CDH4: variants seen among roughly 807,000 people sequenced by gnomAD.
The protein encoded by CDH4 is cadherin 4.
CDH4 carries 33 observed loss-of-function variants against 86.0 expected under a neutral mutation model. The ratio of observed to expected loss-of-function variants is 0.38; its 90% confidence interval spans 0.29 to 0.51. CDH4 has a LOEUF of 0.51. Ranked by LOEUF, CDH4 falls within the 20% of genes least tolerant of loss-of-function variation. CDH4 has a pLI of 0.86. For synonymous variants in CDH4, 555 were observed against 549.4 expected, an observed-to-expected ratio of 1.01 and a Z score of -0.14; for missense variants, 1,114 against 1,307.4, an observed-to-expected ratio of 0.85 and a Z score of 2.28.
chr20:61,607,496 CAGAAAGAGGGA>C (rs2086654353), intron 2 of CDH4, among the ~76,000 whole-genome samples: 1 of 152,232 alleles, frequency 6.6e-6, no homozygotes, highest in Non-Finnish European at 1.5e-5. Context: ...CACATTAGTG[CAGAAAGAGGGA>C]ACATGAGGCT....
In CDH4 at chr20:61,709,274, T is replaced by TTATA. The variant is rs1441416038; in HGVS notation, c.170-34286_170-34285insATAT. Among the ~76,000 whole-genome samples, 1 of 147,990 alleles carries TTATA rather than the reference T, an allele frequency of 6.8e-6. No individual in the cohort carries two copies. The highest frequency in any genetic ancestry group is 1.5e-5 in the Non-Finnish European group (1 of 68,008). The stretch of plus-strand genomic sequence containing the variant: ...AGACAGCTGTCAGCAAAAGTCAGAC[T>TTATA]TATTTATTTATTTATTTTCTGAGAG... On this transcript the variant is annotated intron_variant, in intron 2 of 15. Coordinates refer to ENST00000614565, the MANE Select transcript of CDH4 (RefSeq NM_001794.5). This position sits in a 1 kb window ranked among gnomAD's most constrained non-coding sequence, Gnocchi z 4.8.
At chr20:61,912,768 C>G (rs1891570) in intron 9 of CDH4, among the ~76,000 whole-genome samples, 149,513 of 152,314 alleles carry the variant, frequency 0.98, 73,426 homozygotes, top group Middle Eastern at 1. Context: ...GCACAGCCGG[C>G]CCCCCAGTGG....
intron 2 of CDH4, among the ~76,000 whole-genome samples, chr20:61,627,293 G>A (rs2086838078): frequency 6.6e-6 from 1 of 152,194 alleles, no homozygotes; most frequent in African/African-American, 2.4e-5. Context: ...TTCCCAGGGT[G>A]TTGGTGGCAC....
chr20:61,905,616 G>A (rs1462896944), intron 8 of CDH4, among the ~76,000 whole-genome samples: 1 of 152,204 alleles, frequency 6.6e-6, no homozygotes, highest in Admixed American at 6.5e-5. Context: ...AAGGGTGCTA[G>A]CCACACCTTC....
intron 2 of CDH4, among the ~76,000 whole-genome samples, chr20:61,529,836 T>G (rs1286124818): frequency 6.6e-6 from 1 of 152,100 alleles, no homozygotes; most frequent in Non-Finnish European, 1.5e-5. Flanking sequence ...GTGTAATTTT[T>G]CTTTTCTTTT....
At chr20:61,478,049 G>A (rs1258410002) in intron 2 of CDH4, among the ~76,000 whole-genome samples, 2 of 152,190 alleles carry the variant, frequency 1.3e-5, no homozygotes, top group African/African-American at 2.4e-5. Context: ...CGTGAGGACT[G>A]ACATTCCCTT....
chr20:61,509,337 A>G (rs2085763492), intron 2 of CDH4, among the ~76,000 whole-genome samples: 1 of 151,720 alleles, frequency 6.6e-6, no homozygotes, highest in African/African-American at 2.4e-5. Flanking sequence ...GCCCCAGGGA[A>G]TATTAACACG....
chr20:61,700,834 T>G (rs1646932075), intron 2 of CDH4, among the ~76,000 whole-genome samples: 1 of 152,234 alleles, frequency 6.6e-6, no homozygotes, highest in South Asian at 2.1e-4. Flanking sequence ...GAGTGCCACA[T>G]GAGTCTTGCC....
At chr20:61,812,022 TG>T (rs1980463909) in intron 4 of CDH4, among the ~76,000 whole-genome samples, 1 of 151,988 alleles carries the variant, frequency 6.6e-6, no homozygotes, top group African/African-American at 2.4e-5. Flanking sequence ...AGGCCCTGTG[TG>T]GTTTTCCCAT....
At position 61,516,891 on chromosome 20, in the gene CDH4, C is replaced by A. The variant is rs573578962; in HGVS notation, c.170-226672C>A. On this transcript the variant is annotated intron_variant, in intron 2 of 15. Coordinates refer to ENST00000614565, the MANE Select transcript of CDH4 (RefSeq NM_001794.5). The surrounding 1 kb of genome is among the most constrained non-coding windows in gnomAD (Gnocchi z 4.0). ...GTCCTAGCAAGGAGCTCCAGGCACC[C>A]TCAGCCTGTCAACTTTTCAACTCCT... Among the ~76,000 whole-genome samples the A allele has an allele frequency of 6.6e-6, 1 of 152,334 alleles. No homozygotes were observed. Among genetic ancestry groups the A allele is most frequent in the African/African-American group, 2.4e-5 (1 of 41,578 alleles).
intron 2 of CDH4, among the ~76,000 whole-genome samples, chr20:61,530,867 G>T (rs952792985): frequency 6.6e-6 from 1 of 152,058 alleles, no homozygotes; most frequent in Non-Finnish European, 1.5e-5. Context: ...ATCCATAGCT[G>T]CAGCCACAGC....
intron 2 of CDH4, among the ~76,000 whole-genome samples, chr20:61,660,602 G>A (rs2087242425): frequency 6.6e-6 from 1 of 152,166 alleles, no homozygotes; most frequent in South Asian, 2.1e-4. Flanking sequence ...CAGAGGGGTG[G>A]ACGGGGCGGT....
chr20:61,653,267 C>G (rs2087144589), intron 2 of CDH4, among the ~76,000 whole-genome samples: 1 of 132,524 alleles, frequency 7.5e-6, no homozygotes, highest in African/African-American at 2.7e-5. Context: ...GGTCACAGAT[C>G]AACAGGATCC....
At chr20:61,674,360 T>C in intron 2 of CDH4, among the ~76,000 whole-genome samples, 1 of 152,152 alleles carries the variant, frequency 6.6e-6, no homozygotes, top group East Asian at 1.9e-4. Context: ...ACCAGGGCCC[T>C]TGTGGAAGCA....
At chr20:61,746,190 C>G (rs976715192) in intron 3 of CDH4, among the ~76,000 whole-genome samples, 1 of 152,158 alleles carries the variant, frequency 6.6e-6, no homozygotes, top group Non-Finnish European at 1.5e-5. Context: ...GTGATTATTA[C>G]AAGCCACGCC....
chr20:61,275,224 G>C (rs577663185), intron 2 of CDH4, among the ~76,000 whole-genome samples: 2 of 142,950 alleles, frequency 1.4e-5, no homozygotes, highest in East Asian at 4.3e-4. Flanking sequence ...ATTTGGGGGA[G>C]TACCGTGTGC....
chr20:61,391,750 G>A (rs941188810), intron 2 of CDH4, among the ~76,000 whole-genome samples: 2 of 152,176 alleles, frequency 1.3e-5, no homozygotes, highest in African/African-American at 4.8e-5. Context: ...TTTTGCGTAG[G>A]TGGACAAGAA....
At chr20:61,697,675 G>C (rs2087729554) in intron 2 of CDH4, among the ~76,000 whole-genome samples, 1 of 152,262 alleles carries the variant, frequency 6.6e-6, no homozygotes. Flanking sequence ...ACCCAGCAGG[G>C]TTCCCGACTG....
At chr20:61,798,113 C>G (rs778504017) in intron 4 of CDH4, among the ~76,000 whole-genome samples, 16 of 152,212 alleles carry the variant, frequency 1.1e-4, no homozygotes, top group Non-Finnish European at 2.4e-4. Context: ...ACCCCTCGCC[C>G]GGGTCACACC....
Sources: allele counts gnomAD v4.1 joint callset (sites outside exome capture counted in the v4.1 genomes callset), GRCh38; gene constraint gnomAD v4.1.1; non-coding constraint Gnocchi (gnomAD v3.1); transcripts MANE v1.5; gene names NCBI Gene and HGNC (gene_info 2026-07-23, HGNC 2026-07-21).